Variants in SLC66A3 observed in about 807,000 individuals in gnomAD.
SLC66A3 encodes the protein PQ loop repeat containing 3.
A neutral mutation model predicts 25.5 loss-of-function variants in SLC66A3; 23 were observed. The ratio of observed to expected loss-of-function variants is 0.90; its 90% CI spans 0.65 to 1.28. The LOEUF is 1.28. SLC66A3 is among the 50% of genes most tolerant of loss of function. The probability of loss-of-function intolerance (pLI) is 0.00; values close to 1 mark genes in which losing one functional copy is unlikely to be tolerated. For missense variants in SLC66A3, 246 were observed against 262.1 expected, an observed-to-expected ratio of 0.94 and a Z score of 0.42; for synonymous variants, 108 against 112.6, an observed-to-expected ratio of 0.96 and a Z score of 0.26.
chr2:11,167,083 G>T (rs1215748924), intron 4 of SLC66A3, among the ~76,000 whole-genome samples: 1 of 152,130 alleles, frequency 6.6e-6, no homozygotes, highest in Non-Finnish European at 1.5e-5. Flanking sequence ...AGTTCTATTA[G>T]CCCCCATACA....
intron 1 of SLC66A3, among the ~76,000 whole-genome samples, chr2:11,157,323 C>T (rs975641620): frequency 7.9e-5 from 12 of 152,240 alleles, no homozygotes; most frequent in African/African-American, 2.9e-4. Flanking sequence ...AAGGGTCTTG[C>T]AGTTGATCAC....
chr2:11,155,877 C>T (rs1216810446), intron 1 of SLC66A3, among the ~76,000 whole-genome samples, 188 bp downstream of exon 1: 1 of 152,192 alleles, frequency 6.6e-6, no homozygotes, highest in African/African-American at 2.4e-5. Context: ...ACCCGCCACC[C>T]GCGTACATTG....
intron 1 of SLC66A3, among the ~76,000 whole-genome samples, chr2:11,156,902 G>T (rs1661924486): frequency 6.6e-6 from 1 of 152,192 alleles, no homozygotes; most frequent in African/African-American, 2.4e-5. Context: ...ATGAGGTTGT[G>T]GCAAAGGACA....
chr2:11,174,902 A>G (rs1031400012), intron 5 of SLC66A3, 66 bp from the exon 6 acceptor site: 9 of 1,082,468 alleles, frequency 8.3e-6, no homozygotes, highest in Admixed American at 2.0e-5. Flanking sequence ...AGGGAAAGAC[A>G]TTATTAGCTA....
chr2:11,164,252 C>T lies in SLC66A3; in HGVS notation c.345C>T (p.Asp115=), dbSNP rs944571968. 1.2e-5 allele frequency: 18 copies of T among 1,560,082 alleles called. No individual in the cohort carries two copies. Among genetic ancestry groups the T allele is most frequent in the Admixed American group, 1.9e-5 (1 of 51,912 alleles). ...TTGCCCTGCAGAAGTGGATCATAGA[C>T]CTGGCCATGGTAAGTATTATGCTTG... is the stretch of plus-strand genomic sequence containing the variant. ...FILALQKWII[D]LAMNLCTFIS... The change falls in exon 4 of 7, where the codon GAC becomes GAT. Residue 115 remains aspartate, a synonymous_variant. Coordinates refer to ENST00000295083, the MANE Select transcript of SLC66A3 (RefSeq NM_152391.5).
chr2:11,160,729 G>C (rs372161213), intron 3 of SLC66A3, 35 bp downstream of exon 3: 1 of 1,613,214 alleles, frequency 6.2e-7, no homozygotes, highest in South Asian at 1.1e-5. Context: ...AAGTGGGAAC[G>C]GGGATGTTAT....
At chr2:11,163,568 T>A (rs1347902633) in intron 3 of SLC66A3, among the ~76,000 whole-genome samples, 6 of 152,182 alleles carry the variant, frequency 3.9e-5, no homozygotes, top group African/African-American at 1.4e-4. Context: ...GATAAGCAAA[T>A]CAAGGTGGAA....
intron 4 of SLC66A3, among the ~76,000 whole-genome samples, chr2:11,167,648 C>A (rs1460084312): frequency 6.6e-6 from 1 of 152,180 alleles, no homozygotes; most frequent in Non-Finnish European, 1.5e-5. Context: ...CATAGCCCTC[C>A]TTCACTGACT....
At chr2:11,160,424 G>C in intron 1 of SLC66A3, 42 bp from the exon 2 acceptor site, 1 of 1,584,390 alleles carries the variant, frequency 6.3e-7, no homozygotes, top group Non-Finnish European at 8.7e-7. Flanking sequence ...CGACAGCTGC[G>C]TTTTGGGGCA....
At chr2:11,177,284 AC>A (rs1484102277) in intron 6 of SLC66A3, among the ~76,000 whole-genome samples, 1 of 152,004 alleles carries the variant, frequency 6.6e-6, no homozygotes, top group Non-Finnish European at 1.5e-5. Context: ...ACATGGTGAA[AC>A]CCTGTCTCTA....
At chr2:11,164,288 A>G (rs762401933) in intron 4 of SLC66A3, 27 bp downstream of exon 4, 2 of 1,241,300 alleles carry the variant, frequency 1.6e-6, no homozygotes, top group Non-Finnish European at 2.2e-6. Flanking sequence ...AAAAGAAAGT[A>G]GGAGGAATAA....
At chr2:11,158,263 A>T (rs1211939669) in intron 1 of SLC66A3, among the ~76,000 whole-genome samples, 1 of 152,220 alleles carries the variant, frequency 6.6e-6, no homozygotes, top group Non-Finnish European at 1.5e-5. Flanking sequence ...CATGCCTGTA[A>T]TCCCAGCCCT....
chr2:11,165,640 G>A (rs1044824355), intron 4 of SLC66A3, among the ~76,000 whole-genome samples: 17 of 152,320 alleles, frequency 1.1e-4, no homozygotes, highest in Middle Eastern at 3.4e-3. Flanking sequence ...CTGCAATCTC[G>A]GCACTTTGGG....
chr2:11,157,498 G>T (rs1661948371), intron 1 of SLC66A3, among the ~76,000 whole-genome samples: 1 of 152,030 alleles, frequency 6.6e-6, no homozygotes, highest in Non-Finnish European at 1.5e-5. Context: ...GCCCTTCCCA[G>T]CCTTGCCTGG....
At chr2:11,164,339 A>ATTTTTTTTT (rs1662232050) in intron 4 of SLC66A3, 78 bp downstream of exon 4, 1 of 120,308 alleles carries the variant, frequency 8.3e-6, no homozygotes, top group Non-Finnish European at 1.4e-5. Context: ...ATATATATAT[A>ATTTTTTTTT]TATATATTTT....
intron 1 of SLC66A3, among the ~76,000 whole-genome samples, chr2:11,157,787 T>C (rs1262991050): frequency 6.6e-6 from 1 of 152,254 alleles, no homozygotes. Flanking sequence ...GGGACCTGCC[T>C]CTGCCACCCA....
intron 4 of SLC66A3, among the ~76,000 whole-genome samples, chr2:11,165,493 C>T (rs1455489838): frequency 3.5e-5 from 5 of 143,644 alleles, no homozygotes; most frequent in South Asian, 2.3e-4. Flanking sequence ...ACATCTCAGA[C>T]GATGGGCGAC....
In SLC66A3 at chr2:11,171,996, A is replaced by G. The variant is rs1266073081; in HGVS notation, c.426A>G (p.Ser142=). The G allele has an allele frequency of 5.6e-6, 9 of 1,613,976 alleles. No homozygotes were observed. Among genetic ancestry groups the G allele is most frequent in the Non-Finnish European group, 7.6e-6 (9 of 1,179,946 alleles). ...QLQCLWKTRD[S]GTVSALTWSL... ...AGTGTCTGTGGAAGACGAGAGACTC[A>G]GGAACTGTGAGTGCGCTGACTTGGA... The change falls in exon 5 of 7, where the codon TCA becomes TCG. Residue 142 remains serine (S), a synonymous_variant. Transcript: ENST00000295083.
At chr2:11,165,885 G>A (rs1316503881) in intron 4 of SLC66A3, among the ~76,000 whole-genome samples, 7 of 151,940 alleles carry the variant, frequency 4.6e-5, no homozygotes, top group Admixed American at 1.3e-4. Context: ...GCGTGGCGGC[G>A]CACGCCTGCA....
Sources: gnomAD v4.1 joint callset for allele counts (sites outside exome capture counted in the v4.1 genomes callset) on GRCh38, gnomAD v4.1.1 for gene constraint, MANE v1.5 for transcripts, NCBI Gene and HGNC (gene_info 2026-07-23, HGNC 2026-07-21) for gene names.